The following DEFB107B variants were observed in gnomAD, a reference collection of about 807,000 sequenced individuals.
DEFB107B encodes the protein beta-defensin 107.
rs1171104972 is a variant in DEFB107B, at chr8:7,496,290, C to CTTTTTTTTTTTTTTTTT, written c.70+298_70+314dup. Among the ~76,000 whole-genome samples the CTTTTTTTTTTTTTTTTT allele has an allele frequency of 4.3e-4, 20 of 46,874 alleles. 1 individual carries two copies. The highest frequency in any genetic ancestry group is 6.9e-4 in the East Asian group (1 of 1,450). The allele number at this position is 46,874 out of a possible 152,430, so 30.8% of individuals were successfully genotyped here. On this transcript the variant is annotated intron_variant, in intron 1 of 1. Coordinates refer to ENST00000355602, the MANE Select transcript of DEFB107B (RefSeq NM_001040705.2). ...ATCTGCAACGCAGGTTCAGCATATT[C>CTTTTTTTTTTTTTTTTT]TTTTTTTTTTTTTTTTTTTTTTTTT...
chr8:7,502,715 G>A lies in DEFB107B; in HGVS notation c.71-6366G>A, dbSNP rs1305972581. On this transcript the variant is annotated intron_variant, in intron 1 of 1. Transcript: ENST00000355602. ...TCTTTTCTTATTTCTATTTTTTGTG[G>A]CTTAATTTTTCTATTTTCTATCTGC... Among the ~76,000 whole-genome samples the A allele has an allele frequency of 9.2e-5, 2 of 21,796 alleles. 1 individual carries two copies. The highest frequency in any genetic ancestry group is 1.7e-4 in the African/African-American group (2 of 11,494). The allele number at this position is 21,796 out of a possible 152,430, so 14.3% of individuals were successfully genotyped here. A position where few individuals can be genotyped will look rare whatever the true frequency, so the allele number is the denominator to read the frequency against.
At chr8:7,508,851 G>GT (rs1224653408) in intron 1 of DEFB107B, among the ~76,000 whole-genome samples, 2 of 30,712 alleles carry the variant, frequency 6.5e-5, no homozygotes, top group Admixed American at 3.6e-4. Flanking sequence ...AATCTTTTCT[G>GT]TTTTTTTCCA....
intron 1 of DEFB107B, among the ~76,000 whole-genome samples, chr8:7,497,328 T>C (rs1483961841): frequency 6.6e-6 from 1 of 152,392 alleles, no homozygotes; most frequent in African/African-American, 2.4e-5. Context: ...TAAGTAAGTA[T>C]ATCAATGAGA....
chr8:7,497,396 T>C (rs1193674895), intron 1 of DEFB107B, among the ~76,000 whole-genome samples: 1 of 152,192 alleles, frequency 6.6e-6, no homozygotes, highest in African/African-American at 2.4e-5. Context: ...CCATAAAAGA[T>C]GCAAATTATA....
rs1171104972 is a variant in DEFB107B, at chr8:7,496,290, C to CTTTTT, written c.70+310_70+314dup. On this transcript the variant is annotated intron_variant, in intron 1 of 1. Transcript: ENST00000355602. ...ATCTGCAACGCAGGTTCAGCATATT[C>CTTTTT]TTTTTTTTTTTTTTTTTTTTTTTTT... 2.6e-3 allele frequency among the ~76,000 whole-genome samples: 120 copies of CTTTTT among 46,878 alleles called. 13 individuals carry two copies. Among genetic ancestry groups the CTTTTT allele is most frequent in the Admixed American group, 8.4e-3 (32 of 3,818 alleles). 30.8% of individuals were successfully genotyped at this position (46,878 alleles called of 152,430 possible).
chr8:7,496,543 G>A (rs1227321104), intron 1 of DEFB107B, among the ~76,000 whole-genome samples: 35 of 150,948 alleles, frequency 2.3e-4, no homozygotes, highest in African/African-American at 4.1e-4. Flanking sequence ...TTCGTGATCC[G>A]CCCTCCTCGG....
At position 7,497,951 on chromosome 8, in the gene DEFB107B, CACAGAG is replaced by C. The variant is rs1260837567; in HGVS notation, c.70+1952_70+1957del. The stretch of plus-strand genomic sequence containing the variant: ...ACGAGAGATTTGGAAAAGAAAAAGA[CACAGAG>C]ACAAAGTATAGAGAAAGAAATAAGG... On this transcript the variant is annotated intron_variant, in intron 1 of 1. Transcript: ENST00000355602. Among the ~76,000 whole-genome samples, 4 of 21,512 alleles carry C rather than the reference CACAGAG, an allele frequency of 1.9e-4. 2 individuals are homozygous for C. Among genetic ancestry groups the C allele is most frequent in the African/African-American group, 3.4e-4 (4 of 11,840 alleles). The allele number at this position is 21,512 out of a possible 152,430, so 14.1% of individuals were successfully genotyped here.
chr8:7,507,765 A>G (rs12155781), intron 1 of DEFB107B, among the ~76,000 whole-genome samples: 27,600 of 123,112 alleles, frequency 0.22, 921 homozygotes, highest in Middle Eastern at 0.33. Context: ...AGCAGCTCAC[A>G]TCATTCCACT....
intron 1 of DEFB107B, among the ~76,000 whole-genome samples, chr8:7,508,168 G>T (rs1462752194): frequency 1.4e-5 from 2 of 139,506 alleles, no homozygotes; most frequent in Non-Finnish European, 3.0e-5. Context: ...GTAGTTCACA[G>T]TATCCCAAGT....
intron 1 of DEFB107B, among the ~76,000 whole-genome samples, chr8:7,497,455 A>C (rs1811797487): frequency 6.6e-6 from 1 of 151,542 alleles, no homozygotes; most frequent in African/African-American, 2.4e-5. Flanking sequence ...GAAATGCAGA[A>C]AGGCTTCCTG....
At chr8:7,496,510 C>G (rs62639793) in intron 1 of DEFB107B, among the ~76,000 whole-genome samples, 225 of 151,744 alleles carry the variant, frequency 1.5e-3, no homozygotes, top group East Asian at 2.7e-3. Flanking sequence ...CCGTGTTAGC[C>G]AGGATGGTCT....
intron 1 of DEFB107B, among the ~76,000 whole-genome samples, chr8:7,497,362 A>C (rs1811792579): frequency 6.6e-6 from 1 of 152,254 alleles, no homozygotes; most frequent in South Asian, 2.1e-4. Context: ...AAATAACTTT[A>C]ATATGAAACA....
chr8:7,508,250 T>C (rs12155887), intron 1 of DEFB107B, among the ~76,000 whole-genome samples: 33,582 of 133,142 alleles, frequency 0.25, 2,535 homozygotes, highest in Middle Eastern at 0.35. Flanking sequence ...TTCTTTCCAT[T>C]AGTCTTTGCC....
chr8:7,504,324 G>A lies in DEFB107B; in HGVS notation c.71-4757G>A, dbSNP rs1811916740. Reference sequence around the variant, plus strand: ...TGAAACACTTGGGACAGTGGGGGTTGTTGTCCTGAAAACCCTGAGGAACAA... The same window carrying A: ...TGAAACACTTGGGACAGTGGGGGTTATTGTCCTGAAAACCCTGAGGAACAA... On this transcript the variant is annotated intron_variant, in intron 1 of 1. Coordinates refer to ENST00000355602, the MANE Select transcript of DEFB107B (RefSeq NM_001040705.2). 8.4e-5 allele frequency among the ~76,000 whole-genome samples: 2 copies of A among 23,808 alleles called. 1 individual carries two copies. Among genetic ancestry groups the A allele is most frequent in the South Asian group, 3.0e-3 (2 of 666 alleles). The allele number at this position is 23,808 out of a possible 152,430, so 15.6% of individuals were successfully genotyped here.
At chr8:7,496,575 C>G (rs1811752464) in intron 1 of DEFB107B, among the ~76,000 whole-genome samples, 2 of 148,532 alleles carry the variant, frequency 1.3e-5, no homozygotes, top group Non-Finnish European at 3.0e-5. Flanking sequence ...CCTGGGATTA[C>G]AGGCATGAGC....
intron 1 of DEFB107B, among the ~76,000 whole-genome samples, chr8:7,497,334 T>C (rs1260645687): frequency 6.6e-6 from 1 of 152,264 alleles, no homozygotes; most frequent in African/African-American, 2.4e-5. Context: ...AGTATATCAA[T>C]GAGACAGGAA....
rs1301446386 is a variant in DEFB107B, at chr8:7,506,823, A to T, written c.71-2258A>T. 2.3e-3 allele frequency among the ~76,000 whole-genome samples: 11 copies of T among 4,810 alleles called. 1 individual carries two copies. Among genetic ancestry groups the T allele is most frequent in the African/African-American group, 5.6e-3 (11 of 1,952 alleles). The allele number at this position is 4,810 out of a possible 152,430, so 3.2% of individuals were successfully genotyped here. ...ATACAATCGGGTTTTATACCGAGAC[A>T]TTCCATTGCCCAGGGACAGGCAGGA... On this transcript the variant is annotated intron_variant, in intron 1 of 1. Transcript: ENST00000355602.
chr8:7,499,240 A>G (rs868602089), intron 1 of DEFB107B, among the ~76,000 whole-genome samples: 517 of 25,022 alleles, frequency 0.021, 165 homozygotes, highest in African/African-American at 0.033. Flanking sequence ...GACGTATTCC[A>G]GTCACACTGT....
At chr8:7,508,220 G>C (rs1811992494) in intron 1 of DEFB107B, among the ~76,000 whole-genome samples, 1 of 141,746 alleles carries the variant, frequency 7.1e-6, no homozygotes, top group African/African-American at 2.9e-5. Context: ...AATTTGAGCA[G>C]AAATCTAAGC....
Sources: gnomAD v4.1 joint callset for allele counts (sites outside exome capture counted in the v4.1 genomes callset) on GRCh38, gnomAD v4.1.1 for gene constraint, MANE v1.5 for transcripts, NCBI Gene and HGNC (gene_info 2026-07-23, HGNC 2026-07-21) for gene names.